The following DAB1 variants were observed in gnomAD, a reference collection of about 807,000 sequenced individuals.
The protein encoded by DAB1 is disabled homolog 1.
A neutral mutation model predicts 64.6 loss-of-function variants in DAB1; 15 were observed. That is an observed-to-expected ratio of 0.23 (90% CI 0.16 to 0.36). The LOEUF (loss-of-function observed/expected upper bound fraction) is 0.36. Among genes scored for constraint, DAB1 ranks in the 10% least tolerant of loss-of-function variants. The pLI, the probability that DAB1 is intolerant of heterozygous loss-of-function variation, is 1.00. For synonymous variants in DAB1, 235 were observed against 251.9 expected (o/e 0.93, Z 0.64); for missense variants, 596 against 706.7 (o/e 0.84, Z 1.78).
chr1:57,791,735 C>G (rs1245382264), intron 6 of DAB1, among the ~76,000 whole-genome samples: 2 of 152,122 alleles, frequency 1.3e-5, no homozygotes, highest in Non-Finnish European at 2.9e-5. Context: ...TGCCTGAGAC[C>G]CGGGCTCCCC....
At chr1:57,706,501 T>C (rs1288439905) in intron 6 of DAB1, among the ~76,000 whole-genome samples, 1 of 151,998 alleles carries the variant, frequency 6.6e-6, no homozygotes, top group Non-Finnish European at 1.5e-5. Context: ...TATTTTTTTG[T>C]AGAGATGGGT....
At chr1:57,572,727 C>T (rs926228987) in intron 7 of DAB1, among the ~76,000 whole-genome samples, 1 of 152,124 alleles carries the variant, frequency 6.6e-6, no homozygotes, top group Non-Finnish European at 1.5e-5. Flanking sequence ...AAGAGGCTTA[C>T]TTGACTCATG....
intron 7 of DAB1, among the ~76,000 whole-genome samples, chr1:57,586,441 C>CTCTTT (rs973049229): frequency 2.6e-4 from 40 of 151,410 alleles, no homozygotes; most frequent in African/African-American, 5.6e-4. Flanking sequence ...TTTGTCTTTT[C>CTCTTT]TCTTTTCTTT....
At chr1:57,895,248 T>G (rs756335424) in intron 5 of DAB1, among the ~76,000 whole-genome samples, 1 of 152,164 alleles carries the variant, frequency 6.6e-6, no homozygotes, top group Non-Finnish European at 1.5e-5. Flanking sequence ...TGATGCATAT[T>G]TACTAATTTA....
intron 3 of DAB1, among the ~76,000 whole-genome samples, chr1:58,454,909 C>T (rs1645178872): frequency 6.6e-6 from 1 of 152,220 alleles, no homozygotes; most frequent in African/African-American, 2.4e-5. Flanking sequence ...ACCCCAAGAG[C>T]AGATCTAGCC....
intron 2 of DAB1, among the ~76,000 whole-genome samples, chr1:57,279,911 TC>T (rs1671757157): frequency 6.6e-6 from 1 of 152,320 alleles, no homozygotes; most frequent in African/African-American, 2.4e-5. Context: ...TTATCATCAT[TC>T]CCTCCTCTTG....
At chr1:57,695,377 A>AAAGGAAAG (rs1646824524) in intron 6 of DAB1, among the ~76,000 whole-genome samples, 1 of 67,006 alleles carries the variant, frequency 1.5e-5, no homozygotes, top group Admixed American at 1.7e-4. Flanking sequence ...AGAAAGAAAG[A>AAAGGAAAG]AAGAAAGAAA....
chr1:58,050,458 A>G (rs886706646), intron 5 of DAB1, among the ~76,000 whole-genome samples: 1 of 152,218 alleles, frequency 6.6e-6, no homozygotes, highest in East Asian at 1.9e-4. Context: ...GATGAAGAGA[A>G]GGAATTAATC....
At chr1:58,233,252 G>A (rs1488779575) in intron 4 of DAB1, among the ~76,000 whole-genome samples, 1 of 152,130 alleles carries the variant, frequency 6.6e-6, no homozygotes, top group African/African-American at 2.4e-5. Context: ...ATTGAGCATT[G>A]ATTATGCTGA....
At chr1:57,138,768 C>T (rs1658341937) in intron 3 of DAB1, among the ~76,000 whole-genome samples, 1 of 152,188 alleles carries the variant, frequency 6.6e-6, no homozygotes, top group Admixed American at 6.5e-5. Flanking sequence ...CAACACAGCA[C>T]ACCCTTTATG....
intron 4 of DAB1, among the ~76,000 whole-genome samples, chr1:58,182,168 T>C (rs906289208): frequency 6.6e-6 from 1 of 152,138 alleles, no homozygotes; most frequent in Admixed American, 6.5e-5. Context: ...TTCATTCCTC[T>C]GTATACAGTG....
At chr1:57,729,571 C>G (rs1647323331) in intron 6 of DAB1, among the ~76,000 whole-genome samples, 1 of 152,230 alleles carries the variant, frequency 6.6e-6, no homozygotes, top group Admixed American at 6.5e-5. Flanking sequence ...CTTGTTTACA[C>G]TACTACCTCA....
chr1:57,879,999 A>T (rs937527890), intron 1 of DAB1: 11 of 152,226 alleles, frequency 7.2e-5, no homozygotes, highest in African/African-American at 2.4e-4. Context: ...CTGGTGAAAC[A>T]TTTCGCCCAC....
intron 2 of DAB1, among the ~76,000 whole-genome samples, chr1:57,262,841 G>A (rs1274998599): frequency 6.6e-6 from 1 of 152,158 alleles, no homozygotes; most frequent in Non-Finnish European, 1.5e-5. Flanking sequence ...CTGAAAATAT[G>A]GGCCCCGTGC....
intron 2 of DAB1, among the ~76,000 whole-genome samples, chr1:57,268,238 T>C (rs879442646): frequency 6.6e-6 from 1 of 152,160 alleles, no homozygotes; most frequent in Non-Finnish European, 1.5e-5. Flanking sequence ...GGATTCAGCT[T>C]TGACAATCAC....
At chr1:57,061,187 A>T (rs1650347253) in intron 9 of DAB1, among the ~76,000 whole-genome samples, 1 of 141,500 alleles carries the variant, frequency 7.1e-6, no homozygotes. Context: ...ATGCTTTTTC[A>T]TTAAAACTAA....
At chr1:57,812,319 C>CAAAAA (rs67005172) in intron 6 of DAB1, among the ~76,000 whole-genome samples, 2 of 101,192 alleles carry the variant, frequency 2.0e-5, no homozygotes, top group African/African-American at 7.4e-5. Context: ...GATTCATTGC[C>CAAAAA]AAAAAAAAAA....
At chr1:58,146,761 A>C (rs1292891083) in intron 5 of DAB1, among the ~76,000 whole-genome samples, 2 of 151,976 alleles carry the variant, frequency 1.3e-5, no homozygotes, top group Non-Finnish European at 2.9e-5. Context: ...TTTATAATAG[A>C]ATATATGTGA....
At chr1:57,783,936 T>G (rs940610044) in intron 6 of DAB1, among the ~76,000 whole-genome samples, 1 of 152,160 alleles carries the variant, frequency 6.6e-6, no homozygotes, top group Non-Finnish European at 1.5e-5. Context: ...TTTCCCAAGA[T>G]ACAACAATAC....
Sources: allele counts gnomAD v4.1 joint callset (sites outside exome capture counted in the v4.1 genomes callset), GRCh38; gene constraint gnomAD v4.1.1; transcripts MANE v1.5; gene names NCBI Gene and HGNC (gene_info 2026-07-23, HGNC 2026-07-21).